HADHA: variants seen among roughly 807,000 people sequenced by gnomAD.
The protein encoded by HADHA is hydroxyacyl-CoA dehydrogenase trifunctional multienzyme complex subunit alpha, also known as trifunctional enzyme subunit alpha, mitochondrial.
In HADHA, 59 loss-of-function variants were observed where a neutral mutation model predicts 91.3. The observed-to-expected ratio is 0.65, with a 90% CI of 0.52 to 0.80. The LOEUF (loss-of-function observed/expected upper bound fraction) is 0.80, where lower values mean the gene tolerates loss of function less well. Ranked by LOEUF, HADHA falls within the 30% of genes least tolerant of loss-of-function variation. The probability of loss-of-function intolerance (pLI) is 0.00; values close to 1 mark genes in which losing one functional copy is unlikely to be tolerated. For synonymous variants in HADHA, 320 were observed against 338.9 expected, an observed-to-expected ratio of 0.94 and a Z score of 0.61; for missense variants, 800 against 927.6, an observed-to-expected ratio of 0.86 and a Z score of 1.79.
intron 12 of HADHA, among the ~76,000 whole-genome samples, chr2:26,203,152 C>T (rs780250294): frequency 3.3e-5 from 5 of 152,228 alleles, no homozygotes; most frequent in Non-Finnish European, 7.3e-5. Flanking sequence ...AACTTGTTAT[C>T]TTACAATAAT....
Position 26,193,704 on chromosome 2 carries a change from T to C in HADHA, c.1758A>G (p.Thr586=), listed in dbSNP as rs974621601. 4.3e-6 allele frequency: 7 copies of C among 1,614,078 alleles called. No homozygotes were observed. Among genetic ancestry groups the C allele is most frequent in the Non-Finnish European group, 5.9e-6 (7 of 1,179,968 alleles). The change falls in exon 17 of 20, where the codon ACA becomes ACG. Residue 586 remains threonine, a synonymous_variant. Transcript: ENST00000380649. ...CATCCACACCAACTTCATCCACCAG[T>C]GTGGCGGCACCCACAGGAAAGCCAA... ...TSFGFPVGAA[T]LVDEVGVDVA...
intron 12 of HADHA, among the ~76,000 whole-genome samples, chr2:26,203,533 G>GA (rs1669905839): frequency 6.6e-6 from 1 of 152,128 alleles, no homozygotes; most frequent in Non-Finnish European, 1.5e-5. Flanking sequence ...CACTGTGGAG[G>GA]GATCAGTTCA....
intron 14 of HADHA, among the ~76,000 whole-genome samples, chr2:26,197,317 C>T (rs1669702545): frequency 6.6e-6 from 1 of 152,162 alleles, no homozygotes; most frequent in African/African-American, 2.4e-5. Context: ...TCCTGCCATT[C>T]CCTGATCTGG....
chr2:26,242,538 C>A (rs1670922406), intron 1 of HADHA, among the ~76,000 whole-genome samples: 1 of 117,064 alleles, frequency 8.5e-6, no homozygotes. Flanking sequence ...CAGATATATA[C>A]AATCGTATTT....
intron 7 of HADHA, among the ~76,000 whole-genome samples, chr2:26,224,527 G>A (rs1211408262): frequency 2.0e-5 from 3 of 152,182 alleles, no homozygotes; most frequent in African/African-American, 4.8e-5. Flanking sequence ...AATATAAGAT[G>A]TATCCATAAT....
intron 16 of HADHA, among the ~76,000 whole-genome samples, chr2:26,194,067 C>T (rs531337858): frequency 6.6e-6 from 1 of 152,304 alleles, no homozygotes; most frequent in African/African-American, 2.4e-5. Context: ...GATTGCATGA[C>T]AGACGGCTGA....
chr2:26,223,227 T>G (rs1670415848), intron 7 of HADHA, among the ~76,000 whole-genome samples: 2 of 152,056 alleles, frequency 1.3e-5, no homozygotes, highest in South Asian at 4.2e-4. Flanking sequence ...AGAGGGCGGG[T>G]ACTGTACTGG....
chr2:26,240,955 C>T (rs891214113), intron 1 of HADHA, among the ~76,000 whole-genome samples: 3 of 152,166 alleles, frequency 2.0e-5, no homozygotes, highest in African/African-American at 7.2e-5. Context: ...GAACATACTT[C>T]GAAAATAATT....
chr2:26,217,800 G>A (rs185651326), intron 7 of HADHA, among the ~76,000 whole-genome samples: 3 of 152,102 alleles, frequency 2.0e-5, no homozygotes, highest in East Asian at 1.9e-4. Flanking sequence ...CCAGCTACTC[G>A]AGAGGCTGAC....
chr2:26,193,906 GTGCTATTTCAT>G, intron 16 of HADHA, 134 bp from the exon 17 acceptor site: 1 of 699,614 alleles, frequency 1.4e-6, no homozygotes, highest in Non-Finnish European at 2.5e-6. Context: ...CCCAGGACTG[GTGCTATTTCAT>G]TCAGGGAAGC....
intron 13 of HADHA, among the ~76,000 whole-genome samples, chr2:26,198,491 A>G (rs2147756938): frequency 1.3e-5 from 2 of 151,116 alleles, no homozygotes; most frequent in South Asian, 4.2e-4. Flanking sequence ...TTTTATTCAG[A>G]TGGTTGGATG....
At position 26,191,265 on chromosome 2, in the gene HADHA, C is replaced by CTTGT. The variant is rs1553311633; in HGVS notation, c.2273_2276dup (p.Lys760GlnfsTer51). 8.1e-6 allele frequency: 13 copies of CTTGT among 1,612,686 alleles called. No individual in the cohort carries two copies. The highest frequency in any genetic ancestry group is 1.0e-5 in the Non-Finnish European group (12 of 1,180,004). On this transcript the variant is annotated frameshift_variant, in exon 20 of 20. Coordinates refer to ENST00000380649, the MANE Select transcript of HADHA (RefSeq NM_000182.5). LOFTEE classifies it high-confidence loss of function. Reference sequence around the variant, plus strand: ...TGAGGCCTGCTCACTGGTAGAACTTCTTGTTAGGGCTGTTAGCATGGTCAG... The same window carrying CTTGT: ...TGAGGCCTGCTCACTGGTAGAACTTCTTGTTTGTTAGGGCTGTTAGCATGGTCAG...
intron 4 of HADHA, among the ~76,000 whole-genome samples, chr2:26,234,659 G>T (rs1670704382): frequency 6.6e-6 from 1 of 151,822 alleles, no homozygotes; most frequent in Admixed American, 6.6e-5. Context: ...CCAGCTACTT[G>T]GGAGGCTGAG....
chr2:26,218,694 G>C (rs185985518), intron 7 of HADHA, among the ~76,000 whole-genome samples: 1 of 152,142 alleles, frequency 6.6e-6, no homozygotes, highest in Non-Finnish European at 1.5e-5. Context: ...TTAAGGTTCT[G>C]ACACCACAGG....
intron 7 of HADHA, among the ~76,000 whole-genome samples, chr2:26,219,132 T>A (rs918664561): frequency 3.0e-4 from 44 of 147,480 alleles, no homozygotes; most frequent in African/African-American, 6.6e-4. Context: ...AGACAAAAAA[T>A]ATATATATTT....
intron 7 of HADHA, among the ~76,000 whole-genome samples, chr2:26,217,224 G>A (rs2084554518): frequency 6.6e-6 from 1 of 151,940 alleles, no homozygotes; most frequent in South Asian, 2.1e-4. Context: ...TTAACAGCAG[G>A]GATACACAGA....
intron 5 of HADHA, 92 bp downstream of exon 5, chr2:26,234,125 T>C (rs1407033738): frequency 7.7e-7 from 1 of 1,304,222 alleles, no homozygotes; most frequent in Non-Finnish European, 1.1e-6. Flanking sequence ...TCCAGAAACT[T>C]TTTCCAGGCA....
At chr2:26,212,490 C>T (rs1283408316) in intron 10 of HADHA, 80 bp downstream of exon 10, 17 of 1,020,526 alleles carry the variant, frequency 1.7e-5, no homozygotes, top group African/African-American at 1.4e-4. Flanking sequence ...TATTTTTTTC[C>T]TTTTTCAGCT....
chr2:26,197,709 GAC>G lies in HADHA; in HGVS notation c.1459_1460del (p.Val487GlnfsTer5). On this transcript the variant is annotated frameshift_variant, in exon 14 of 20. Coordinates refer to ENST00000380649, the MANE Select transcript of HADHA (RefSeq NM_000182.5). LOFTEE classifies it high-confidence loss of function. ...AGTTTACCTTCTCAGGTCTTTTGCT[GAC>G]AGCAGCGATTTCACTGATTGGGAGA... Reference protein sequence around the residue: ...SALPISEIAAVSKRPEKVIGM... With the variant: ...SALPISEIAAXSKRPEKVIGM... 2.0e-6 allele frequency: 3 copies of G among 1,503,242 alleles called. No individual in the cohort carries two copies. Among genetic ancestry groups the G allele is most frequent in the Non-Finnish European group, 2.8e-6 (3 of 1,078,512 alleles). 93.1% of individuals were successfully genotyped at this position (1,503,242 alleles called of 1,614,324 possible).
Sources: allele counts gnomAD v4.1 joint callset (sites outside exome capture counted in the v4.1 genomes callset), GRCh38; gene constraint gnomAD v4.1.1; transcripts MANE v1.5; gene names NCBI Gene and HGNC (gene_info 2026-07-23, HGNC 2026-07-21).